FAM118A: variants seen among roughly 807,000 people sequenced by gnomAD.
FAM118A encodes SIR2 antiphage like 2.
A neutral mutation model predicts 38.2 loss-of-function variants in FAM118A; 25 were observed. The observed-to-expected ratio is 0.65, with a 90% CI of 0.48 to 0.91. The LOEUF is 0.91. Among genes scored for constraint, FAM118A ranks in the 40% least tolerant of loss-of-function variants. The probability of loss-of-function intolerance (pLI) is 0.00; values close to 1 mark genes in which losing one functional copy is unlikely to be tolerated. For missense variants in FAM118A, 425 were observed against 463.3 expected, an observed-to-expected ratio of 0.92 and a Z score of 0.76; for synonymous variants, 178 against 184.1, an observed-to-expected ratio of 0.97 and a Z score of 0.27.
At chr22:45,319,657 G>A (rs1405821682) in intron 1 of FAM118A, among the ~76,000 whole-genome samples, 1 of 152,140 alleles carries the variant, frequency 6.6e-6, no homozygotes, top group African/African-American at 2.4e-5. Context: ...CTCAGGGGTG[G>A]GGTCCAGAGT....
At chr22:45,334,781 T>C (rs2085969388) in intron 6 of FAM118A, among the ~76,000 whole-genome samples, 1 of 152,278 alleles carries the variant, frequency 6.6e-6, no homozygotes, top group Admixed American at 6.5e-5. Context: ...CCGGCCCACA[T>C]GTGTGGCTCT....
At chr22:45,339,377 C>T (rs7288793) in intron 8 of FAM118A, among the ~76,000 whole-genome samples, 5,270 of 152,152 alleles carry the variant, frequency 0.035, 221 homozygotes, top group African/African-American at 0.097. Context: ...CCAGCCTGGG[C>T]GACAGAGCAA....
At chr22:45,312,650 G>A (rs2084422523) in intron 1 of FAM118A, among the ~76,000 whole-genome samples, 1 of 152,146 alleles carries the variant, frequency 6.6e-6, no homozygotes, top group African/African-American at 2.4e-5. Context: ...TTCCAGCCTG[G>A]GAGACAGAGC....
intron 1 of FAM118A, among the ~76,000 whole-genome samples, chr22:45,321,191 A>G (rs1461547115): frequency 6.6e-6 from 1 of 151,616 alleles, no homozygotes; most frequent in Non-Finnish European, 1.5e-5. Flanking sequence ...ATCTCAGCTC[A>G]CTGCAACCTC....
chr22:45,339,601 C>T (rs1204890681), intron 8 of FAM118A, among the ~76,000 whole-genome samples: 1 of 152,108 alleles, frequency 6.6e-6, no homozygotes, highest in East Asian at 1.9e-4. Context: ...TGAACTGTTT[C>T]CTCCGGGGTA....
chr22:45,321,216 A>G (rs943712274), intron 1 of FAM118A, among the ~76,000 whole-genome samples: 2 of 151,966 alleles, frequency 1.3e-5, no homozygotes, highest in Non-Finnish European at 2.9e-5. Flanking sequence ...TCCTGGGTTC[A>G]AGTGATTCTC....
intron 6 of FAM118A, 120 bp downstream of exon 6, chr22:45,332,830 T>C: frequency 9.5e-7 from 1 of 1,056,156 alleles, no homozygotes; most frequent in Non-Finnish European, 1.3e-6. Flanking sequence ...CACCACAACC[T>C]CCGCCTCCTA....
chr22:45,330,516 A>G (rs550323592), intron 4 of FAM118A, 87 bp from the exon 5 acceptor site: 1 of 1,372,080 alleles, frequency 7.3e-7, no homozygotes, highest in Admixed American at 2.8e-5. Context: ...TAGGTTTAAA[A>G]ACTATGAATC....
At chr22:45,317,061 AT>A (rs2146599214) in intron 1 of FAM118A, among the ~76,000 whole-genome samples, 1 of 152,320 alleles carries the variant, frequency 6.6e-6, no homozygotes, top group East Asian at 1.9e-4. Context: ...CTCAAAGCCC[AT>A]GTGATCATCT....
Position 45,332,706 on chromosome 22 carries a change from C to CCCAG in FAM118A, c.934_937dup (p.Asp313AlafsTer4). 6.3e-7 allele frequency: 1 copy of CCCAG among 1,586,698 alleles called. No individual in the cohort carries two copies. The highest frequency in any genetic ancestry group is 8.6e-7 in the Non-Finnish European group (1 of 1,166,322). The stretch of plus-strand genomic sequence containing the variant: ...CCACTCAGATCTGCAAACAGCAAAG[C>CCCAG]CCAGGTATGGGATCTGGCTTCACTT... On this transcript the variant is annotated frameshift_variant, in exon 6 of 9. Coordinates refer to ENST00000441876, the MANE Select transcript of FAM118A (RefSeq NM_017911.4). LOFTEE classifies it high-confidence loss of function.
intron 2 of FAM118A, 100 bp from the exon 3 acceptor site, chr22:45,323,075 G>GTGTGTGTGTGTA (rs1178650779): frequency 7.8e-7 from 1 of 1,275,526 alleles, no homozygotes; most frequent in Non-Finnish European, 1.1e-6. Flanking sequence ...GTGTGTGTGT[G>GTGTGTGTGTGTA]TACACAGCAC....
chr22:45,314,764 GTTTA>G (rs1410214014), intron 1 of FAM118A, among the ~76,000 whole-genome samples: 1 of 152,194 alleles, frequency 6.6e-6, no homozygotes, highest in Non-Finnish European at 1.5e-5. Context: ...TAAGTAACAC[GTTTA>G]TTTGAGTTAA....
At position 45,340,518 on chromosome 22, in the gene FAM118A, C is replaced by A; in HGVS notation, c.*113C>A. On this transcript the variant is annotated 3_prime_UTR_variant, in exon 9 of 9. Coordinates refer to ENST00000441876, the MANE Select transcript of FAM118A (RefSeq NM_017911.4). ...TGGATCTCTGATTGCGAAACCGTCA[C>A]ATACACCAAGAGAGCCACATGGGCA... The A allele has an allele frequency of 7.7e-7, 1 of 1,293,818 alleles. No homozygotes were observed. Among genetic ancestry groups the A allele is most frequent in the Non-Finnish European group, 1.1e-6 (1 of 890,906 alleles). The allele number at this position is 1,293,818 out of a possible 1,614,324, so 80.1% of individuals were successfully genotyped here. A position where few individuals can be genotyped will look rare whatever the true frequency, so the allele number is the denominator to read the frequency against.
chr22:45,338,365 G>T (rs1205269931), intron 8 of FAM118A, among the ~76,000 whole-genome samples: 1 of 152,082 alleles, frequency 6.6e-6, no homozygotes, highest in Non-Finnish European at 1.5e-5. Flanking sequence ...GAGCAGCTGG[G>T]ACTACAGTCG....
chr22:45,323,145 T>C (rs1456310117), intron 2 of FAM118A, 30 bp from the exon 3 acceptor site: 2 of 1,602,448 alleles, frequency 1.2e-6, no homozygotes, highest in African/African-American at 2.7e-5. Flanking sequence ...GCTTTGACTT[T>C]CATTCTCTTG....
Position 45,335,358 on chromosome 22 carries a change from C to A in FAM118A, c.946C>A (p.Arg316Ser). The stretch of plus-strand genomic sequence containing the variant: ...TTTTCTTTCTCCTTCAGATGCTGAT[C>A]GCGTGGACAGCACCACATTATTGGG... ...ICKQQSPDAD[R>S]VDSTTLLGNA... Residue 316 changes from arginine to serine, a missense_variant, in exon 7 of 9, where the codon CGC (arginine) becomes AGC (serine). Arg to Ser is a moderately radical substitution (Grantham distance 110). Transcript: ENST00000441876. 6.2e-7 allele frequency: 1 copy of A among 1,614,224 alleles called. No homozygotes were observed. Among genetic ancestry groups the A allele is most frequent in the Non-Finnish European group, 8.5e-7 (1 of 1,180,044 alleles).
intron 1 of FAM118A, 87 bp from the exon 2 acceptor site, chr22:45,322,284 A>C (rs938877745): frequency 1.3e-6 from 2 of 1,584,218 alleles, no homozygotes; most frequent in African/African-American, 2.7e-5. Context: ...CTTTGATTTT[A>C]ATTCTAGCCT....
At position 45,336,409 on chromosome 22, in the gene FAM118A, C is replaced by G; in HGVS notation, c.1052C>G (p.Thr351Ser). 1 of 1,611,154 alleles carries G rather than the reference C, an allele frequency of 6.2e-7. No homozygotes were observed. Among genetic ancestry groups the G allele is most frequent in the Non-Finnish European group, 8.5e-7 (1 of 1,177,314 alleles). ...TCAAAAAAACGCACACAATCAGATA[C>G]TGGTATTGTGTCTGTTCTTTTTGTG... is the stretch of plus-strand genomic sequence containing the variant. ...EVSKKRTQSD[T>S]DDAGGS is the part of the protein sequence containing the mutation. The change falls in exon 8 of 9, where the codon ACT (threonine) becomes AGT (serine). Residue 351 changes from threonine (T) to serine (S), a missense_variant and splice_region_variant. Coordinates refer to ENST00000441876, the MANE Select transcript of FAM118A (RefSeq NM_017911.4).
intron 7 of FAM118A, among the ~76,000 whole-genome samples, chr22:45,335,780 A>G (rs73890289): frequency 0.026 from 4,008 of 152,226 alleles, 177 homozygotes; most frequent in African/African-American, 0.092. Context: ...GAAGCTTCCT[A>G]TTTAATACTT....
Sources: allele counts gnomAD v4.1 joint callset (sites outside exome capture counted in the v4.1 genomes callset), GRCh38; gene constraint gnomAD v4.1.1; transcripts MANE v1.5; gene names NCBI Gene and HGNC (gene_info 2026-07-23, HGNC 2026-07-21).